AUTS2: variants seen among roughly 807,000 people sequenced by gnomAD.
The protein encoded by AUTS2 is activator of transcription and developmental regulator AUTS2, also known as autism susceptibility gene 2 protein.
In AUTS2, 17 loss-of-function variants were observed where a neutral mutation model predicts 112.4. The observed-to-expected ratio is 0.15, with a 90% CI of 0.10 to 0.23. The LOEUF (loss-of-function observed/expected upper bound fraction) is 0.23, where lower values mean the gene tolerates loss of function less well. AUTS2 is among the 10% of genes least tolerant of loss of function. The pLI, the probability that AUTS2 is intolerant of heterozygous loss-of-function variation, is 1.00. For missense variants in AUTS2, 1,510 were observed against 1,701.6 expected (o/e 0.89, Z 1.98); for synonymous variants, 751 against 702.7 (o/e 1.07, Z -1.09).
intron 1 of AUTS2, among the ~76,000 whole-genome samples, chr7:69,889,131 C>G (rs901286677): frequency 1.3e-5 from 2 of 152,024 alleles, no homozygotes; most frequent in African/African-American, 4.8e-5. Context: ...AACTCCTGGG[C>G]TCAAGCAGTT....
chr7:70,722,126 T>C (rs1163467020), intron 6 of AUTS2, among the ~76,000 whole-genome samples: 1 of 152,112 alleles, frequency 6.6e-6, no homozygotes, highest in Non-Finnish European at 1.5e-5. Flanking sequence ...AAATTAAATA[T>C]AGCCCCCAGT....
At chr7:70,367,410 G>A (rs1260606386) in intron 4 of AUTS2, among the ~76,000 whole-genome samples, 1 of 151,942 alleles carries the variant, frequency 6.6e-6, no homozygotes, top group Non-Finnish European at 1.5e-5. Flanking sequence ...CAAAAAATTA[G>A]CCCGGCATGG....
At chr7:70,356,432 G>C (rs1792011818) in intron 4 of AUTS2, among the ~76,000 whole-genome samples, 1 of 152,146 alleles carries the variant, frequency 6.6e-6, no homozygotes, top group Non-Finnish European at 1.5e-5. Context: ...TAACTTGCTT[G>C]TCAGCAAAAC....
At chr7:69,804,017 G>A (rs553453896) in intron 1 of AUTS2, among the ~76,000 whole-genome samples, 1 of 152,190 alleles carries the variant, frequency 6.6e-6, no homozygotes, top group Admixed American at 6.5e-5. Flanking sequence ...GGGTGACAGA[G>A]TGAGACTCTT....
At chr7:70,784,823 T>C (rs1791337778) in intron 15 of AUTS2, 119 bp from the exon 16 acceptor site, 1 of 780,348 alleles carries the variant, frequency 1.3e-6, no homozygotes. Flanking sequence ...CTGGGTGGAC[T>C]TCAGCCATGA....
intron 1 of AUTS2, among the ~76,000 whole-genome samples, chr7:69,825,541 G>A (rs1354749663): frequency 6.6e-6 from 1 of 152,144 alleles, no homozygotes; most frequent in African/African-American, 2.4e-5. Context: ...CCATGCGGTT[G>A]TATTTGGGTA....
chr7:70,520,072 T>G (rs565562034), intron 5 of AUTS2, among the ~76,000 whole-genome samples: 67 of 152,348 alleles, frequency 4.4e-4, no homozygotes, highest in African/African-American at 1.6e-3. Context: ...TTTCATTTTC[T>G]TAATGGTGCC....
At chr7:70,114,730 G>A (rs1212028047) in intron 2 of AUTS2, among the ~76,000 whole-genome samples, 3 of 152,108 alleles carry the variant, frequency 2.0e-5, no homozygotes, top group African/African-American at 7.2e-5. Flanking sequence ...GAACCGGGGA[G>A]GCGGAGGTTG....
intron 1 of AUTS2, among the ~76,000 whole-genome samples, chr7:69,875,189 C>A (rs1793678060): frequency 6.6e-6 from 1 of 151,988 alleles, no homozygotes. Context: ...AGGCATTTGC[C>A]AGTATATCAA....
chr7:70,049,173 C>T lies in AUTS2; in HGVS notation c.523-68959C>T, dbSNP rs139384103. On this transcript the variant is annotated intron_variant, in intron 2 of 18. Transcript: ENST00000342771. ...ATTTAACCAGTTCCTTGCTGTTGGA[C>T]TTATAGGCTGACTTATAGGCTGTTT... Among the ~76,000 whole-genome samples, 374 of 152,222 alleles carry T rather than the reference C, an allele frequency of 2.5e-3. 3 individuals carry two copies. Among genetic ancestry groups the T allele is most frequent in the African/African-American group, 8.5e-3 (354 of 41,544 alleles).
chr7:70,784,730 T>C, intron 15 of AUTS2: 2 of 493,126 alleles, frequency 4.1e-6, no homozygotes, highest in South Asian at 4.8e-5. Context: ...GGATGATTGA[T>C]TTTCTGCTTC....
At chr7:69,711,340 G>T (rs576513824) in intron 1 of AUTS2, among the ~76,000 whole-genome samples, 2 of 151,966 alleles carry the variant, frequency 1.3e-5, no homozygotes, top group South Asian at 4.2e-4. Flanking sequence ...AAAAGAGCAG[G>T]TGCTTTGTAA....
At chr7:69,795,408 A>C (rs534760778) in intron 1 of AUTS2, among the ~76,000 whole-genome samples, 3 of 152,168 alleles carry the variant, frequency 2.0e-5, no homozygotes, top group Non-Finnish European at 2.9e-5. Context: ...AGCCAGGCGG[A>C]GTGGCTCATA....
chr7:70,102,758 T>G (rs1213562361), intron 2 of AUTS2, among the ~76,000 whole-genome samples: 2 of 152,136 alleles, frequency 1.3e-5, no homozygotes. Flanking sequence ...TTTTTTTCCA[T>G]CATTAATTTA....
intron 4 of AUTS2, among the ~76,000 whole-genome samples, chr7:70,240,178 G>A (rs2129599872): frequency 6.6e-6 from 1 of 152,286 alleles, no homozygotes; most frequent in South Asian, 2.1e-4. Context: ...GCTATAGAAG[G>A]AGATTTAATG....
intron 1 of AUTS2, among the ~76,000 whole-genome samples, chr7:69,803,024 G>T (rs10237870): frequency 0.35 from 53,440 of 151,888 alleles, 9,859 homozygotes; most frequent in African/African-American, 0.46. Context: ...CCTCAAAAAT[G>T]TCGTTGTCCA....
intron 4 of AUTS2, among the ~76,000 whole-genome samples, chr7:70,143,957 T>G (rs1806993758): frequency 6.6e-6 from 1 of 152,156 alleles, no homozygotes; most frequent in Non-Finnish European, 1.5e-5. Flanking sequence ...CATAAAATCT[T>G]GCCCAGACCA....
At chr7:69,868,670 C>G (rs1006451428) in intron 1 of AUTS2, among the ~76,000 whole-genome samples, 14 of 152,108 alleles carry the variant, frequency 9.2e-5, no homozygotes, top group African/African-American at 3.4e-4. Flanking sequence ...TTTGATTCTC[C>G]TGACAGTCTA....
chr7:70,723,415 C>T (rs1454155695), intron 6 of AUTS2, among the ~76,000 whole-genome samples: 1 of 151,926 alleles, frequency 6.6e-6, no homozygotes, highest in Non-Finnish European at 1.5e-5. Flanking sequence ...CCTCCAAGGG[C>T]ACTTGGAAGC....
Sources: allele counts gnomAD v4.1 joint callset (sites outside exome capture counted in the v4.1 genomes callset), GRCh38; gene constraint gnomAD v4.1.1; transcripts MANE v1.5; gene names NCBI Gene and HGNC (gene_info 2026-07-23, HGNC 2026-07-21).